MAP7: variants seen among roughly 807,000 people sequenced by gnomAD.
MAP7 encodes ensconsin.
MAP7 carries 52 observed loss-of-function variants against 94.8 expected under a neutral mutation model. The ratio of observed to expected loss-of-function variants is 0.55; its 90% CI spans 0.44 to 0.69. The LOEUF is 0.69. Ranked by LOEUF, MAP7 falls within the 30% of genes least tolerant of loss-of-function variation. MAP7 has a pLI of 0.00. For missense variants in MAP7, 940 were observed against 964.6 expected (o/e 0.97, Z 0.34); for synonymous variants, 350 against 357.0 (o/e 0.98, Z 0.22).
intron 3 of MAP7, among the ~76,000 whole-genome samples, chr6:136,403,417 ACCTGC>A (rs1784727006): frequency 6.6e-6 from 1 of 152,212 alleles, no homozygotes; most frequent in Non-Finnish European, 1.5e-5. Context: ...GAGTGAAGTA[ACCTGC>A]CCGATGTCTC....
intron 1 of MAP7, among the ~76,000 whole-genome samples, chr6:136,434,738 C>T (rs769307073): frequency 2.0e-5 from 3 of 151,974 alleles, no homozygotes; most frequent in Non-Finnish European, 4.4e-5. Context: ...TGGAAAGGAT[C>T]CCAGTCTGAA....
intron 1 of MAP7, among the ~76,000 whole-genome samples, chr6:136,441,180 T>C (rs903633401): frequency 3.9e-5 from 6 of 152,248 alleles, no homozygotes; most frequent in African/African-American, 1.2e-4. Flanking sequence ...TTCCGCATGC[T>C]GATTTCATTT....
At chr6:136,483,871 C>T (rs551384617) in intron 1 of MAP7, among the ~76,000 whole-genome samples, 1 of 152,132 alleles carries the variant, frequency 6.6e-6, no homozygotes, top group South Asian at 2.1e-4. Context: ...CTTTTTTCAA[C>T]AGAAAAAAAT....
chr6:136,428,348 C>T (rs1038015792), intron 1 of MAP7, among the ~76,000 whole-genome samples: 1 of 151,970 alleles, frequency 6.6e-6, no homozygotes, highest in Admixed American at 6.6e-5. Flanking sequence ...AAACCTCGTC[C>T]CTACTAAGCA....
chr6:136,468,172 C>A (rs1807745635), intron 1 of MAP7, among the ~76,000 whole-genome samples: 1 of 152,158 alleles, frequency 6.6e-6, no homozygotes, highest in Non-Finnish European at 1.5e-5. Flanking sequence ...GTGCATGGCT[C>A]CTTACCTTGG....
chr6:136,349,100 T>C (rs1262880532), intron 16 of MAP7, among the ~76,000 whole-genome samples: 1 of 152,164 alleles, frequency 6.6e-6, no homozygotes, highest in Non-Finnish European at 1.5e-5. Flanking sequence ...TGTATTCATA[T>C]GGATCCGTAT....
At chr6:136,421,874 C>A in intron 1 of MAP7, 75 bp from the exon 2 acceptor site, 1 of 1,136,182 alleles carries the variant, frequency 8.8e-7, no homozygotes, top group Non-Finnish European at 1.3e-6. Context: ...AAGTATTCGA[C>A]ATTTACTGTT....
intron 1 of MAP7, among the ~76,000 whole-genome samples, chr6:136,544,407 T>C (rs922402511): frequency 6.6e-6 from 1 of 152,198 alleles, no homozygotes; most frequent in Non-Finnish European, 1.5e-5. Context: ...ACAACTGAAA[T>C]TCCTCTTCTG....
chr6:136,509,558 TTTTG>T (rs1822603448), intron 1 of MAP7, among the ~76,000 whole-genome samples: 1 of 151,972 alleles, frequency 6.6e-6, no homozygotes, highest in Non-Finnish European at 1.5e-5. Context: ...CAGTTTCGGT[TTTTG>T]TTTTTGTTTT....
intron 1 of MAP7, among the ~76,000 whole-genome samples, chr6:136,455,488 T>G (rs988975107): frequency 7.9e-5 from 12 of 152,188 alleles, no homozygotes; most frequent in African/African-American, 1.4e-4. Context: ...CAAATGGACC[T>G]AAAAGACATA....
rs776074208 is a variant in MAP7 at position 136,389,406 on chromosome 6, C to T, written c.356G>A (p.Arg119Gln). Residue 119 changes from arginine (R) to glutamine (Q), a missense_variant, in exon 4 of 18, where the codon CGG (arginine) becomes CAG (glutamine). Arg to Gln is a conservative substitution (Grantham distance 43). Coordinates refer to ENST00000354570, the MANE Select transcript of MAP7 (RefSeq NM_003980.6). ...CTTCTCCTCCACAGCAGCCCTCCTC[C>T]GCTCCTCCTTCTGCCTCTGCTCCTC... ...RLEEQRQKEE[R>Q]RRAAVEEKRR... 1.8e-5 allele frequency: 28 copies of T among 1,588,476 alleles called. No individual in the cohort carries two copies. Among genetic ancestry groups the T allele is most frequent in the African/African-American group, 2.7e-5 (2 of 72,770 alleles).
At chr6:136,493,121 C>CTTTTTTTTTTTTTTTTTT (rs397795796) in intron 1 of MAP7, among the ~76,000 whole-genome samples, 1 of 123,342 alleles carries the variant, frequency 8.1e-6, no homozygotes, top group East Asian at 2.5e-4. Flanking sequence ...TTCTTCTTTC[C>CTTTTTTTTTTTTTTTTTT]TTTTTTTTTT....
At chr6:136,447,179 G>T (rs1405520390) in intron 1 of MAP7, among the ~76,000 whole-genome samples, 2 of 152,160 alleles carry the variant, frequency 1.3e-5, no homozygotes, top group Non-Finnish European at 2.9e-5. Context: ...GAAATTTGTT[G>T]TGTCTCTTGC....
intron 1 of MAP7, among the ~76,000 whole-genome samples, chr6:136,512,766 C>T (rs1483757844): frequency 6.6e-6 from 1 of 151,798 alleles, no homozygotes; most frequent in Non-Finnish European, 1.5e-5. Flanking sequence ...GGTCTTGCTT[C>T]CATGTTGATG....
chr6:136,513,582 G>C (rs185766856), intron 1 of MAP7, among the ~76,000 whole-genome samples: 1 of 152,140 alleles, frequency 6.6e-6, no homozygotes, highest in African/African-American at 2.4e-5. Flanking sequence ...GAAGGTTGGG[G>C]TCAACTGCTT....
At chr6:136,505,099 T>C (rs991844714) in intron 1 of MAP7, among the ~76,000 whole-genome samples, 1 of 151,766 alleles carries the variant, frequency 6.6e-6, no homozygotes, top group Non-Finnish European at 1.5e-5. Flanking sequence ...CTCCCTTTTT[T>C]AGGGCCAAAC....
intron 1 of MAP7, among the ~76,000 whole-genome samples, chr6:136,518,870 A>G (rs1242596035): frequency 6.6e-6 from 1 of 152,204 alleles, no homozygotes; most frequent in Non-Finnish European, 1.5e-5. Flanking sequence ...TTTGGTTCCT[A>G]TGATTGGAGG....
At chr6:136,352,148 C>T (rs1789397689) in intron 16 of MAP7, among the ~76,000 whole-genome samples, 1 of 151,354 alleles carries the variant, frequency 6.6e-6, no homozygotes, top group Admixed American at 6.6e-5. Context: ...TTCTTGGGTG[C>T]AACACTAGGG....
intron 1 of MAP7, among the ~76,000 whole-genome samples, chr6:136,521,637 A>G (rs906562827): frequency 8.5e-5 from 13 of 152,222 alleles, no homozygotes; most frequent in Admixed American, 2.0e-4. Flanking sequence ...GTATTGTGTA[A>G]TAGTCATGAA....
Sources: allele counts gnomAD v4.1 joint callset (sites outside exome capture counted in the v4.1 genomes callset), GRCh38; gene constraint gnomAD v4.1.1; transcripts MANE v1.5; gene names NCBI Gene and HGNC (gene_info 2026-07-23, HGNC 2026-07-21).